MAGI2: variants seen among roughly 807,000 people sequenced by gnomAD.
MAGI2 encodes the protein membrane-associated guanylate kinase, WW and PDZ domain-containing protein 2.
MAGI2 carries 35 observed loss-of-function variants against 133.3 expected under a neutral mutation model. That is an observed-to-expected ratio of 0.26 (90% confidence interval 0.20 to 0.35). The LOEUF (loss-of-function observed/expected upper bound fraction) is 0.35, where lower values mean the gene tolerates loss of function less well. Among genes scored for constraint, MAGI2 ranks in the 10% least tolerant of loss-of-function variants. The pLI is 1.00. For missense variants in MAGI2, 1,636 were observed against 1,863.4 expected (o/e 0.88, Z 2.25); for synonymous variants, 729 against 710.6 (o/e 1.03, Z -0.41).
chr7:79,380,441 G>T (rs1247404942), intron 1 of MAGI2, among the ~76,000 whole-genome samples: 3 of 151,758 alleles, frequency 2.0e-5, no homozygotes, highest in Non-Finnish European at 4.4e-5. Flanking sequence ...GTCAGCAAAA[G>T]GACGATGCAC....
At chr7:78,117,940 C>T (rs534500151) in intron 20 of MAGI2, among the ~76,000 whole-genome samples, 94 of 152,168 alleles carry the variant, frequency 6.2e-4, no homozygotes, top group Admixed American at 3.3e-3. Flanking sequence ...ACTGACACTA[C>T]TTACCTTCAA....
At chr7:79,293,137 A>G (rs1836639844) in intron 1 of MAGI2, among the ~76,000 whole-genome samples, 1 of 152,082 alleles carries the variant, frequency 6.6e-6, no homozygotes, top group South Asian at 2.1e-4. Flanking sequence ...GTTTATTCCT[A>G]TATCAGACCC....
At chr7:79,037,345 A>C (rs1368811453) in intron 1 of MAGI2, among the ~76,000 whole-genome samples, 1 of 152,110 alleles carries the variant, frequency 6.6e-6, no homozygotes, top group Non-Finnish European at 1.5e-5. Flanking sequence ...CCTGCGTTTC[A>C]TGACTACGTA....
chr7:78,545,326 T>C (rs943749476), intron 3 of MAGI2, among the ~76,000 whole-genome samples: 14 of 151,302 alleles, frequency 9.3e-5, no homozygotes, highest in African/African-American at 2.7e-4. Context: ...AATTCTCCTG[T>C]CTCAGCCTTC....
intron 21 of MAGI2, among the ~76,000 whole-genome samples, chr7:78,045,294 G>T (rs980215702): frequency 6.6e-6 from 1 of 152,128 alleles, no homozygotes; most frequent in Non-Finnish European, 1.5e-5. Context: ...ATGATCTTTG[G>T]TTGGGGTCTT....
intron 1 of MAGI2, among the ~76,000 whole-genome samples, chr7:79,275,250 AT>A (rs1835150425): frequency 6.6e-6 from 1 of 152,174 alleles, no homozygotes; most frequent in Non-Finnish European, 1.5e-5. Context: ...CTTGAAGAAA[AT>A]TTAAAGTGCT....
intron 1 of MAGI2, among the ~76,000 whole-genome samples, chr7:79,167,557 T>A (rs1825070499): frequency 6.6e-6 from 1 of 152,078 alleles, no homozygotes; most frequent in South Asian, 2.1e-4. Flanking sequence ...TTTCTTTTTT[T>A]GTTTCACCCC....
intron 17 of MAGI2, 196 bp downstream of exon 17, chr7:78,134,825 A>G (rs989894466): frequency 1.2e-4 from 68 of 557,248 alleles, no homozygotes; most frequent in Non-Finnish European, 2.2e-5. Flanking sequence ...TGAAACAGGT[A>G]CTGAGTAAAC....
chr7:78,462,729 G>A (rs1162188918), intron 6 of MAGI2, among the ~76,000 whole-genome samples: 1 of 152,156 alleles, frequency 6.6e-6, no homozygotes, highest in Non-Finnish European at 1.5e-5. Context: ...AGAATCAAAA[G>A]CTTCCTAGAA....
chr7:79,179,139 T>C (rs1255520852), intron 1 of MAGI2, among the ~76,000 whole-genome samples: 1 of 152,044 alleles, frequency 6.6e-6, no homozygotes, highest in African/African-American at 2.4e-5. Context: ...ATATATATAT[T>C]ACAGTGTTAA....
chr7:78,800,998 T>A (rs1202703660), intron 2 of MAGI2, among the ~76,000 whole-genome samples: 3 of 152,174 alleles, frequency 2.0e-5, no homozygotes, highest in Non-Finnish European at 4.4e-5. Context: ...AACCAGGGAA[T>A]ATATTTTTAT....
At chr7:78,028,439 GA>G (rs1809182770) in intron 21 of MAGI2, among the ~76,000 whole-genome samples, 3 of 152,206 alleles carry the variant, frequency 2.0e-5, no homozygotes, top group Non-Finnish European at 2.9e-5. Flanking sequence ...AAATCTCATG[GA>G]TAGGTGGGGC....
At chr7:78,586,565 A>C (rs1172336658) in intron 3 of MAGI2, among the ~76,000 whole-genome samples, 4 of 152,222 alleles carry the variant, frequency 2.6e-5, no homozygotes, top group Admixed American at 6.5e-5. Context: ...CCTTTTTTTC[A>C]GATGATAAAA....
intron 2 of MAGI2, among the ~76,000 whole-genome samples, chr7:78,661,405 A>G (rs1409256823): frequency 1.3e-5 from 2 of 152,232 alleles, no homozygotes; most frequent in Non-Finnish European, 2.9e-5. Context: ...CCCAGATACA[A>G]AACTCTTCAG....
chr7:78,575,901 G>A (rs1378084739), intron 3 of MAGI2, among the ~76,000 whole-genome samples: 1 of 152,052 alleles, frequency 6.6e-6, no homozygotes, highest in Admixed American at 6.5e-5. Flanking sequence ...AAAAACAAAA[G>A]AAATGTATGG....
At chr7:78,666,141 G>C (rs925906584) in intron 2 of MAGI2, among the ~76,000 whole-genome samples, 2 of 152,166 alleles carry the variant, frequency 1.3e-5, no homozygotes, top group African/African-American at 4.8e-5. Context: ...TAGTACACCT[G>C]TTTGGAACTT....
At chr7:78,604,289 G>A (rs1805555497) in intron 3 of MAGI2, among the ~76,000 whole-genome samples, 1 of 152,168 alleles carries the variant, frequency 6.6e-6, no homozygotes, top group African/African-American at 2.4e-5. Context: ...GAAGAACTGG[G>A]AGCAGGTGGC....
At chr7:79,116,922 A>G (rs2129544326) in intron 1 of MAGI2, among the ~76,000 whole-genome samples, 1 of 152,278 alleles carries the variant, frequency 6.6e-6, no homozygotes, top group African/African-American at 2.4e-5. Context: ...TGCAGCCTGC[A>G]GAGCCATGAG....
intron 1 of MAGI2, among the ~76,000 whole-genome samples, chr7:79,173,340 T>C (rs1361373773): frequency 6.6e-6 from 1 of 151,968 alleles, no homozygotes; most frequent in Non-Finnish European, 1.5e-5. Context: ...TTTTTTTACT[T>C]CTGATGATAA....
Sources: allele counts gnomAD v4.1 joint callset (sites outside exome capture counted in the v4.1 genomes callset), GRCh38; gene constraint gnomAD v4.1.1; transcripts MANE v1.5; gene names NCBI Gene and HGNC (gene_info 2026-07-23, HGNC 2026-07-21).